Variants in ZBTB16 observed in about 807,000 individuals in gnomAD.
The protein encoded by ZBTB16 is zinc finger and BTB domain containing 16, also known as zinc finger and BTB domain-containing protein 16.
ZBTB16 carries 8 observed loss-of-function variants against 56.8 expected under a neutral mutation model. The observed-to-expected ratio is 0.14, with a 90% CI of 0.08 to 0.25. ZBTB16 has a LOEUF of 0.25. Among genes scored for constraint, ZBTB16 ranks in the 10% least tolerant of loss-of-function variants. The probability of loss-of-function intolerance (pLI) is 1.00; values close to 1 mark genes in which losing one functional copy is unlikely to be tolerated. For missense variants in ZBTB16, 625 were observed against 903.0 expected (o/e 0.69, Z 3.95); for synonymous variants, 363 against 368.5 (o/e 0.98, Z 0.17).
chr11:114,239,835 G>A (rs974009564), intron 4 of ZBTB16, among the ~76,000 whole-genome samples: 93 of 152,216 alleles, frequency 6.1e-4, no homozygotes, highest in African/African-American at 2.1e-3. Flanking sequence ...GTCAGCTCCA[G>A]AGGTAGCATT....
intron 2 of ZBTB16, among the ~76,000 whole-genome samples, chr11:114,076,328 G>C (rs1939562058): frequency 1.3e-5 from 2 of 152,172 alleles, no homozygotes; most frequent in African/African-American, 4.8e-5. Context: ...TCGGGCGGCT[G>C]GATCTGGAGT....
chr11:114,142,260 T>C (rs1443970588), intron 2 of ZBTB16, among the ~76,000 whole-genome samples: 1 of 152,222 alleles, frequency 6.6e-6, no homozygotes, highest in Non-Finnish European at 1.5e-5. Flanking sequence ...ACCTTCCTGT[T>C]GCCTAAAAAC....
chr11:114,150,674 G>A (rs995635183), intron 2 of ZBTB16, among the ~76,000 whole-genome samples: 5 of 152,192 alleles, frequency 3.3e-5, no homozygotes, highest in African/African-American at 4.8e-5. Context: ...GTAAATGGAC[G>A]TTGAAAGTGT....
At chr11:114,131,145 C>T (rs954185819) in intron 2 of ZBTB16, among the ~76,000 whole-genome samples, 4 of 152,192 alleles carry the variant, frequency 2.6e-5, no homozygotes, top group Non-Finnish European at 4.4e-5. Context: ...GGGACAATTT[C>T]GTCCTCCAGG....
rs558765026 is a variant in ZBTB16 at position 114,246,675 on chromosome 11, T to G, written c.1625-523T>G. On this transcript the variant is annotated intron_variant, in intron 5 of 6. Coordinates refer to ENST00000335953, the MANE Select transcript of ZBTB16 (RefSeq NM_006006.6). ...CTGGGCTTTGAAGGATGATTAGGAG[T>G]TCACCAGGGAGAAAAGAAGAAATCG... is the stretch of plus-strand genomic sequence containing the variant. 36 of 164,460 alleles carry G rather than the reference T, an allele frequency of 2.2e-4. 1 individual carries two copies. In the South Asian group the frequency reaches 3.1e-3, roughly 14 times the overall value. 10.2% of individuals were successfully genotyped at this position (164,460 alleles called of 1,614,324 possible). A position where few individuals can be genotyped will look rare whatever the true frequency, so the allele number is the denominator to read the frequency against.
chr11:114,221,245 T>C (rs572204454), intron 4 of ZBTB16, among the ~76,000 whole-genome samples: 25 of 152,228 alleles, frequency 1.6e-4, no homozygotes, highest in Non-Finnish European at 2.9e-4. Context: ...TTTCTTTCTA[T>C]GAAGATCTTA....
chr11:114,079,376 G>A (rs1057266348), intron 2 of ZBTB16, among the ~76,000 whole-genome samples: 4 of 152,184 alleles, frequency 2.6e-5, no homozygotes, highest in Non-Finnish European at 5.9e-5. Context: ...GAAATCTTTT[G>A]TTTTGGGCAC....
chr11:114,083,785 G>T (rs1415393278), intron 2 of ZBTB16, among the ~76,000 whole-genome samples: 1 of 152,024 alleles, frequency 6.6e-6, no homozygotes, highest in African/African-American at 2.4e-5. Flanking sequence ...AAGTATTCTT[G>T]ATGCCGCCCC....
rs1346143359 is a variant in ZBTB16, at chr11:114,242,317, G to A, written c.1604G>A (p.Arg535His). ...RTFPSHTALKRHLRSHTGDHP... is the reference protein window; with the variant it reads ...RTFPSHTALKHHLRSHTGDHP... ...TTCCCCAGCCACACGGCTCTCAAAC[G>A]CCACCTGCGCTCACATACAGGTAGG... Residue 535 changes from arginine (R) to histidine (H), a missense_variant, in exon 5 of 7, where the codon CGC becomes CAC. Arg to His is a conservative substitution (Grantham distance 29, BLOSUM62 0). This residue lies in a region of ZBTB16 where 140 missense variants were observed against 214.8 expected (regional missense o/e 0.65). Transcript: ENST00000335953. The A allele has an allele frequency of 1.9e-6, 3 of 1,613,792 alleles. No individual in the cohort carries two copies. The highest frequency in any genetic ancestry group is 2.5e-6 in the Non-Finnish European group (3 of 1,180,040).
chr11:114,242,353 T>C lies in ZBTB16; in HGVS notation c.1624+16T>C. 6.2e-7 allele frequency: 1 copy of C among 1,612,448 alleles called. No homozygotes were observed. The highest frequency in any genetic ancestry group is 8.5e-7 in the Non-Finnish European group (1 of 1,179,978). ...TCACATACAGGTAGGTCAGTCCAGC[T>C]GATGGGTGGATCTGGGTCTCTGGGA... On this transcript the variant is annotated intron_variant, in intron 5 of 6. Coordinates refer to ENST00000335953, the MANE Select transcript of ZBTB16 (RefSeq NM_006006.6).
At chr11:114,086,223 G>A (rs572317813) in intron 2 of ZBTB16, among the ~76,000 whole-genome samples, 7 of 152,082 alleles carry the variant, frequency 4.6e-5, no homozygotes, top group African/African-American at 1.7e-4. Context: ...GGAGCCAGGC[G>A]TGGCCAGGAG....
intron 2 of ZBTB16, among the ~76,000 whole-genome samples, chr11:114,111,156 C>CGTGTGTGTGT (rs4020003): frequency 0.073 from 10,905 of 148,862 alleles, 608 homozygotes; most frequent in Admixed American, 0.16. Flanking sequence ...ATCTGTGCTG[C>CGTGTGTGTGT]GTGTGTGTGT....
chr11:114,172,207 C>T (rs1942987842), intron 3 of ZBTB16, among the ~76,000 whole-genome samples: 1 of 152,222 alleles, frequency 6.6e-6, no homozygotes, highest in South Asian at 2.1e-4. Flanking sequence ...CACAGCTGGC[C>T]ATGGTTAGCC....
chr11:114,235,646 C>CTT (rs1255565389), intron 4 of ZBTB16, among the ~76,000 whole-genome samples: 2 of 22,220 alleles, frequency 9.0e-5, no homozygotes, highest in African/African-American at 2.2e-4. Flanking sequence ...TTCTTTCTTT[C>CTT]TTTCTTTCTT....
chr11:114,219,837 G>T (rs765876273), intron 4 of ZBTB16, among the ~76,000 whole-genome samples: 1 of 152,138 alleles, frequency 6.6e-6, no homozygotes. Context: ...CCAGTCTGTT[G>T]GGCTTGGGGT....
At chr11:114,159,974 G>T (rs1468947018) in intron 3 of ZBTB16, among the ~76,000 whole-genome samples, 1 of 149,894 alleles carries the variant, frequency 6.7e-6, no homozygotes, top group Non-Finnish European at 1.5e-5. Flanking sequence ...AAAGGCGCAG[G>T]CTGTGGAGAA....
At chr11:114,195,618 G>C (rs936953456) in intron 4 of ZBTB16, among the ~76,000 whole-genome samples, 1 of 152,196 alleles carries the variant, frequency 6.6e-6, no homozygotes, top group Non-Finnish European at 1.5e-5. Context: ...GTCAAGTGCA[G>C]GGTATTTGGT....
intron 3 of ZBTB16, among the ~76,000 whole-genome samples, chr11:114,171,571 C>T (rs753749821): frequency 6.6e-6 from 1 of 152,190 alleles, no homozygotes; most frequent in Non-Finnish European, 1.5e-5. Flanking sequence ...ATATAGCCCC[C>T]GGCCCCCCAA....
chr11:114,242,441 G>A (rs1944728639), intron 5 of ZBTB16, 104 bp downstream of exon 5: 1 of 1,496,176 alleles, frequency 6.7e-7, no homozygotes, highest in Non-Finnish European at 9.0e-7. Flanking sequence ...TCAGCCTTCA[G>A]TCCTTCTGCT....
Sources: gnomAD v4.1 joint callset for allele counts (sites outside exome capture counted in the v4.1 genomes callset) on GRCh38, gnomAD v4.1.1 for gene constraint, gnomAD v4.1.1 regional missense constraint, MANE v1.5 for transcripts, NCBI Gene and HGNC (gene_info 2026-07-23, HGNC 2026-07-21) for gene names.